PLEKHA6: variants seen among roughly 807,000 people sequenced by gnomAD.
The protein encoded by PLEKHA6 is pleckstrin homology domain containing A6.
Under a neutral mutation model 116.7 loss-of-function variants are expected in PLEKHA6, and 60 were observed. The observed-to-expected ratio is 0.51, with a 90% confidence interval of 0.42 to 0.64. The LOEUF is 0.64. Among genes scored for constraint, PLEKHA6 ranks in the 30% least tolerant of loss-of-function variants. The probability of loss-of-function intolerance (pLI) is 0.00; values close to 1 mark genes in which losing one functional copy is unlikely to be tolerated. For missense variants in PLEKHA6, 1,338 were observed against 1,422.7 expected, an observed-to-expected ratio of 0.94 and a Z score of 0.96; for synonymous variants, 489 against 556.1, an observed-to-expected ratio of 0.88 and a Z score of 1.70.
chr1:204,334,801 A>C (rs995929854), intron 1 of PLEKHA6, among the ~76,000 whole-genome samples: 1 of 152,154 alleles, frequency 6.6e-6, no homozygotes, highest in Non-Finnish European at 1.5e-5. Context: ...TGGGAAGATA[A>C]GGCACAAGAA....
chr1:204,310,019 T>A (rs1671599435), intron 1 of PLEKHA6, among the ~76,000 whole-genome samples: 1 of 152,112 alleles, frequency 6.6e-6, no homozygotes, highest in Non-Finnish European at 1.5e-5. Flanking sequence ...CAAAACATCA[T>A]TCTCCTTTTG....
intron 5 of PLEKHA6, among the ~76,000 whole-genome samples, chr1:204,267,212 C>T (rs1666929657): frequency 6.6e-6 from 1 of 152,204 alleles, no homozygotes; most frequent in African/African-American, 2.4e-5. Flanking sequence ...CATATGACCA[C>T]CTTGTTCACC....
At chr1:204,347,114 G>T in intron 1 of PLEKHA6, 1 of 1,183,014 alleles carries the variant, frequency 8.5e-7, no homozygotes, top group Non-Finnish European at 1.2e-6. Context: ...ATTCCTTTTT[G>T]AACAGTACCC....
At position 204,250,480 on chromosome 1, in the gene PLEKHA6, G is replaced by GC. The variant is rs936813362; in HGVS notation, c.1593+65dup. 3.2e-5 allele frequency: 34 copies of GC among 1,072,922 alleles called. No individual in the cohort carries two copies. In the East Asian group the frequency reaches 4.0e-4, roughly 13 times the overall value. 66.5% of individuals were successfully genotyped at this position (1,072,922 alleles called of 1,614,324 possible). ...AGGAAGAGAGATGGATGGAGAGACAGCCCCCCGCAGAGGACAGCAGCAGGA... is the reference window on the plus strand; with the variant it reads ...AGGAAGAGAGATGGATGGAGAGACAGCCCCCCCGCAGAGGACAGCAGCAGGA... On this transcript the variant is annotated intron_variant, in intron 10 of 22. Coordinates refer to ENST00000272203, the MANE Select transcript of PLEKHA6 (RefSeq NM_014935.5).
At chr1:204,280,829 TTA>T (rs1307176598) in intron 1 of PLEKHA6, 1 of 165,758 alleles carries the variant, frequency 6.0e-6, no homozygotes, top group African/African-American at 2.4e-5. Context: ...CCAACTCAGT[TTA>T]TGTTTCCAGC....
In PLEKHA6 at chr1:204,262,361, C is replaced by T. The variant is rs1381288920; in HGVS notation, c.382-913G>A. 1.3e-5 allele frequency among the ~76,000 whole-genome samples: 2 copies of T among 152,162 alleles called. 1 individual carries two copies. The highest frequency in any genetic ancestry group is 1.3e-4 in the Admixed American group (2 of 15,284). On this transcript the variant is annotated intron_variant, in intron 6 of 22. Coordinates refer to ENST00000272203, the MANE Select transcript of PLEKHA6 (RefSeq NM_014935.5). ...GGTTTTGCTCTGGTCTTCACTGATG[C>T]ATCTATTTCACGGGAAAAGAGTCTG...
intron 18 of PLEKHA6, among the ~76,000 whole-genome samples, chr1:204,229,708 C>T (rs947605511): frequency 3.3e-5 from 5 of 152,224 alleles, no homozygotes; most frequent in African/African-American, 1.2e-4. Flanking sequence ...AGGAGCCAAC[C>T]ACACCCGGCT....
At chr1:204,278,932 C>T (rs1459515711) in intron 1 of PLEKHA6, among the ~76,000 whole-genome samples, 3 of 152,186 alleles carry the variant, frequency 2.0e-5, no homozygotes, top group Non-Finnish European at 2.9e-5. Context: ...ATTCTATCAC[C>T]GAGGGCTTCC....
intron 9 of PLEKHA6, among the ~76,000 whole-genome samples, chr1:204,250,947 AC>A (rs1366987163): frequency 6.6e-6 from 1 of 152,220 alleles, no homozygotes; most frequent in African/African-American, 2.4e-5. Flanking sequence ...GTTGGTAACC[AC>A]CATGAGAACA....
intron 1 of PLEKHA6, among the ~76,000 whole-genome samples, chr1:204,285,853 G>A (rs111280175): frequency 0.017 from 2,637 of 152,282 alleles, 81 homozygotes; most frequent in African/African-American, 0.06. Flanking sequence ...GAGGAGGCTG[G>A]AGACACAGAG....
Position 204,241,384 on chromosome 1 carries a change from G to C in PLEKHA6, c.2400C>G (p.Leu800=), listed in dbSNP as rs745337766. 1.0e-5 allele frequency: 16 copies of C among 1,604,734 alleles called. No homozygotes were observed. The East Asian group carries it at 1.1e-4, about 11-fold the overall frequency. ...RRNASGLTNG[L]SSQERPKSAV... ...TTGCAGAGGTACCCACCTGGGAGGA[G>C]AGTCCATTGGTGAGCCCACTGGCAT... The change falls in exon 17 of 23, where the codon CTC becomes CTG. Residue 800 remains leucine, a synonymous_variant. Transcript: ENST00000272203.
chr1:204,292,114 T>C (rs1669829434), intron 1 of PLEKHA6, among the ~76,000 whole-genome samples: 1 of 152,216 alleles, frequency 6.6e-6, no homozygotes, highest in Admixed American at 6.5e-5. Flanking sequence ...TTTACTCTTC[T>C]CATGGATTTA....
intron 12 of PLEKHA6, among the ~76,000 whole-genome samples, chr1:204,247,851 G>A (rs1663954419): frequency 6.6e-6 from 1 of 152,178 alleles, no homozygotes; most frequent in Middle Eastern, 3.4e-3. Flanking sequence ...GCGACTTGGG[G>A]GCTGAGGCAG....
Position 204,248,906 on chromosome 1 carries a change from G to A in PLEKHA6, c.1739C>T (p.Ala580Val). ...QELEMFGSQPAYPEKLRHKKD... is the reference protein window; with the variant it reads ...QELEMFGSQPVYPEKLRHKKD... ...TTTGTGTCGCAGCTTTTCTGGGTAG[G>A]CGGGCTGGCTTCCAAACATCTCCAG... The change falls in exon 12 of 23, where the codon GCC becomes GTC. Residue 580 changes from alanine (A) to valine (V), a missense_variant. This residue lies in a region of PLEKHA6 where 1,136 missense variants were observed against 1,163.6 expected (regional missense o/e 0.98). Transcript: ENST00000272203. The A allele has an allele frequency of 6.2e-7, 1 of 1,614,098 alleles. No homozygotes were observed. Among genetic ancestry groups the A allele is most frequent in the South Asian group, 1.1e-5 (1 of 91,076 alleles).
chr1:204,267,856 C>T (rs994923353), intron 4 of PLEKHA6, among the ~76,000 whole-genome samples: 1 of 152,206 alleles, frequency 6.6e-6, no homozygotes, highest in South Asian at 2.1e-4. Flanking sequence ...TGGTGCCAAT[C>T]GGTGGACCCT....
chr1:204,273,260 G>C (rs1667665106), intron 3 of PLEKHA6, among the ~76,000 whole-genome samples: 1 of 152,158 alleles, frequency 6.6e-6, no homozygotes, highest in Non-Finnish European at 1.5e-5. Context: ...ACAATGTCTG[G>C]AGACATCCTT....
chr1:204,311,413 C>T (rs1671654192), intron 1 of PLEKHA6: 1 of 156,862 alleles, frequency 6.4e-6, no homozygotes. Context: ...ATCACTTGAA[C>T]CTGGGAGGCA....
intron 5 of PLEKHA6, among the ~76,000 whole-genome samples, chr1:204,266,130 G>A (rs1438396689): frequency 6.6e-6 from 1 of 152,126 alleles, no homozygotes; most frequent in Non-Finnish European, 1.5e-5. Flanking sequence ...ACATCTACAC[G>A]ATACTTGGCC....
Position 204,277,463 on chromosome 1 carries a change from G to A in PLEKHA6, c.-94-2654C>T, listed in dbSNP as rs1668139251. ...GCTAAGGACGCAGAGTAGCTGGACG[G>A]GTGAAGGAGTCTGGGGCTGCATTCC... On this transcript the variant is annotated intron_variant, in intron 1 of 22. Coordinates refer to ENST00000272203, the MANE Select transcript of PLEKHA6 (RefSeq NM_014935.5). The surrounding 1 kb of genome is among the most constrained non-coding windows in gnomAD (Gnocchi z 4.1). 1 of 152,216 alleles carries A rather than the reference G, an allele frequency of 6.6e-6. No homozygotes were observed. Among genetic ancestry groups the A allele is most frequent in the Non-Finnish European group, 1.5e-5 (1 of 68,088 alleles). 9.4% of individuals were successfully genotyped at this position (152,216 alleles called of 1,614,324 possible).
Sources: gnomAD v4.1 joint callset for allele counts (sites outside exome capture counted in the v4.1 genomes callset) on GRCh38, gnomAD v4.1.1 for gene constraint, gnomAD v4.1.1 regional missense constraint, Gnocchi (gnomAD v3.1) non-coding constraint, MANE v1.5 for transcripts, NCBI Gene and HGNC (gene_info 2026-07-23, HGNC 2026-07-21) for gene names.